CBLB: variants seen among roughly 807,000 people sequenced by gnomAD.
CBLB encodes E3 ubiquitin-protein ligase CBL-B.
CBLB carries 31 observed loss-of-function variants against 104.9 expected under a neutral mutation model. The ratio of observed to expected loss-of-function variants is 0.30; its 90% CI spans 0.22 to 0.40. The LOEUF is 0.40. Among genes scored for constraint, CBLB ranks in the 10% least tolerant of loss-of-function variants. The pLI, the probability that CBLB is intolerant of heterozygous loss-of-function variation, is 1.00. For synonymous variants in CBLB, 440 were observed against 422.6 expected (o/e 1.04, Z -0.51); for missense variants, 1,062 against 1,214.6 (o/e 0.87, Z 1.87).
At chr3:105,847,716 T>C (rs2090456314) in intron 3 of CBLB, among the ~76,000 whole-genome samples, 1 of 152,036 alleles carries the variant, frequency 6.6e-6, no homozygotes, top group Admixed American at 6.6e-5. Context: ...TCAGTATCCT[T>C]CGGCCATCAT....
chr3:105,848,662 C>T (rs781518336), intron 3 of CBLB, among the ~76,000 whole-genome samples: 2 of 152,008 alleles, frequency 1.3e-5, no homozygotes, highest in Non-Finnish European at 2.9e-5. Context: ...TGTACTCATC[C>T]AGCACAATTT....
At chr3:105,694,202 T>C (rs992931818) in intron 12 of CBLB, among the ~76,000 whole-genome samples, 1 of 151,928 alleles carries the variant, frequency 6.6e-6, no homozygotes, top group Admixed American at 6.6e-5. Flanking sequence ...AATTTCTAAC[T>C]TGCTCATATG....
chr3:105,734,195 G>A, intron 8 of CBLB, 55 bp from the exon 9 acceptor site: 5 of 1,570,132 alleles, frequency 3.2e-6, no homozygotes, highest in Non-Finnish European at 4.4e-6. Context: ...AGCACAAATT[G>A]TTAGTATCAA....
chr3:105,759,397 G>A (rs2077393323), intron 4 of CBLB, among the ~76,000 whole-genome samples: 2 of 152,196 alleles, frequency 1.3e-5, no homozygotes, highest in Non-Finnish European at 2.9e-5. Context: ...CTGTCTTGAA[G>A]GTAGGGCTTC....
chr3:105,752,936 T>C (rs2076722456), intron 4 of CBLB, among the ~76,000 whole-genome samples: 1 of 152,218 alleles, frequency 6.6e-6, no homozygotes, highest in South Asian at 2.1e-4. Context: ...TATCTATTCA[T>C]TGCTAAAACA....
intron 3 of CBLB, among the ~76,000 whole-genome samples, chr3:105,842,786 C>T (rs1243691085): frequency 6.6e-6 from 1 of 152,156 alleles, no homozygotes; most frequent in East Asian, 1.9e-4. Context: ...AAATGAATTA[C>T]AATAAGCCAG....
intron 9 of CBLB, among the ~76,000 whole-genome samples, chr3:105,729,971 T>A (rs1311194108): frequency 6.6e-6 from 1 of 152,104 alleles, no homozygotes. Flanking sequence ...GTAAAAATAT[T>A]TAGATTATCC....
At chr3:105,726,244 A>G (rs1004505469) in intron 9 of CBLB, among the ~76,000 whole-genome samples, 1 of 152,234 alleles carries the variant, frequency 6.6e-6, no homozygotes, top group Non-Finnish European at 1.5e-5. Context: ...CACTCTCTAC[A>G]TATGGAACAT....
chr3:105,720,454 T>G (rs1269360699), intron 9 of CBLB, among the ~76,000 whole-genome samples: 2 of 152,078 alleles, frequency 1.3e-5, no homozygotes, highest in Non-Finnish European at 2.9e-5. Flanking sequence ...ATCTTCAGTT[T>G]CCGAAGGAAA....
At chr3:105,794,346 A>G (rs939754527) in intron 3 of CBLB, among the ~76,000 whole-genome samples, 2 of 152,220 alleles carry the variant, frequency 1.3e-5, no homozygotes, top group African/African-American at 4.8e-5. Context: ...TGCCTAACCT[A>G]ATACTACTTA....
chr3:105,853,320 C>A, intron 3 of CBLB, 94 bp downstream of exon 3: 1 of 1,331,896 alleles, frequency 7.5e-7, no homozygotes, highest in Non-Finnish European at 1.1e-6. Context: ...CACATTTACC[C>A]CAAAACAATT....
Position 105,670,610 on chromosome 3 carries a change from A to G in CBLB, c.2570-258T>C, listed in dbSNP as rs1576195064. The G allele has an allele frequency of 1.4e-5, 6 of 422,370 alleles. No homozygotes were observed. The East Asian group carries it at 2.9e-4, about 21-fold the overall frequency. 26.2% of individuals were successfully genotyped at this position (422,370 alleles called of 1,614,324 possible). On this transcript the variant is annotated intron_variant, in intron 17 of 18. Coordinates refer to ENST00000394030, the MANE Select transcript of CBLB (RefSeq NM_170662.5). The stretch of plus-strand genomic sequence containing the variant: ...TATTTATATTTTGCAGATATATTTA[A>G]TTATAAGATTGTTGACAATAAAAAC...
intron 17 of CBLB, among the ~76,000 whole-genome samples, chr3:105,675,663 C>T (rs2065533346): frequency 1.3e-5 from 2 of 151,976 alleles, no homozygotes; most frequent in Admixed American, 1.3e-4. Flanking sequence ...GCAGGGGGAT[C>T]ACATAAGGCC....
At chr3:105,829,701 ACC>A (rs1560435492) in intron 3 of CBLB, among the ~76,000 whole-genome samples, 41 of 77,606 alleles carry the variant, frequency 5.3e-4, no homozygotes, top group East Asian at 2.1e-3. Flanking sequence ...AAAAAAAAAA[ACC>A]AAACTGCAGC....
At chr3:105,841,185 A>G (rs2089482769) in intron 3 of CBLB, among the ~76,000 whole-genome samples, 1 of 151,434 alleles carries the variant, frequency 6.6e-6, no homozygotes, top group Non-Finnish European at 1.5e-5. Context: ...AGTCCCAGCT[A>G]CTTGGGAAGC....
intron 2 of CBLB, among the ~76,000 whole-genome samples, chr3:105,862,836 C>T (rs887076366): frequency 2.6e-5 from 4 of 152,164 alleles, no homozygotes; most frequent in Non-Finnish European, 4.4e-5. Context: ...TGGACTCCAA[C>T]CCATGAGCTG....
Position 105,660,389 on chromosome 3 carries a change from A to C in CBLB, c.2690-1160T>G, listed in dbSNP as rs374116849. On this transcript the variant is annotated intron_variant, in intron 18 of 18. Transcript: ENST00000394030. ...TTTTTCCCAGTGGAGACAGGGTTTC[A>C]CCATGTTGATCAGGCTGGTCTTGAA... is the stretch of plus-strand genomic sequence containing the variant. Among the ~76,000 whole-genome samples the C allele has an allele frequency of 9.9e-5, 15 of 150,908 alleles. No homozygotes were observed. The South Asian group carries it at 3.1e-3, about 32-fold the overall frequency.
chr3:105,784,027 C>T (rs897387581), intron 3 of CBLB, among the ~76,000 whole-genome samples: 1 of 152,102 alleles, frequency 6.6e-6, no homozygotes, highest in African/African-American at 2.4e-5. Flanking sequence ...ATGATTTCAA[C>T]AAATGGTTTT....
At chr3:105,854,858 C>T (rs1313043292) in intron 2 of CBLB, among the ~76,000 whole-genome samples, 1 of 152,058 alleles carries the variant, frequency 6.6e-6, no homozygotes, top group Non-Finnish European at 1.5e-5. Context: ...GTCTCGAACT[C>T]CTGACCTTGT....
Sources: allele counts gnomAD v4.1 joint callset (sites outside exome capture counted in the v4.1 genomes callset), GRCh38; gene constraint gnomAD v4.1.1; transcripts MANE v1.5; gene names NCBI Gene and HGNC (gene_info 2026-07-23, HGNC 2026-07-21).